Variants in OSBPL1A observed in about 807,000 individuals in gnomAD.
OSBPL1A encodes the protein oxysterol binding protein like 1A.
In OSBPL1A, 80 loss-of-function variants were observed where a neutral mutation model predicts 137.1. The ratio of observed to expected loss-of-function variants is 0.58; its 90% CI spans 0.49 to 0.70. OSBPL1A has a LOEUF of 0.70. OSBPL1A is among the 30% of genes least tolerant of loss of function. The pLI is 0.00. For synonymous variants in OSBPL1A, 365 were observed against 389.7 expected (o/e 0.94, Z 0.75); for missense variants, 970 against 1,129.4 (o/e 0.86, Z 2.02).
At chr18:24,302,322 G>T (rs2090419059) in intron 14 of OSBPL1A, 1 of 151,546 alleles carries the variant, frequency 6.6e-6, no homozygotes, top group African/African-American at 2.4e-5. Context: ...ATGCATCATG[G>T]CTAAAGTCTA....
chr18:24,167,685 AAG>A (rs1479430825), intron 24 of OSBPL1A, among the ~76,000 whole-genome samples: 1 of 152,226 alleles, frequency 6.6e-6, no homozygotes, highest in African/African-American at 2.4e-5. Flanking sequence ...CACATGAAAA[AAG>A]AGATATACAT....
Position 24,334,276 on chromosome 18 carries a change from C to T in OSBPL1A, c.449G>A (p.Arg150Lys). ...KLEELLLAAA[R>K]EGKTTELTAL... The stretch of plus-strand genomic sequence containing the variant: ...TGTGAGTTCTGTTGTTTTGCCTTCT[C>T]TTGCTGCTGCTAAAAGTAATTCTTC... The change falls in exon 6 of 28, where the codon AGA (arginine) becomes AAA (lysine). Residue 150 changes from arginine to lysine, a missense_variant. Coordinates refer to ENST00000319481, the MANE Select transcript of OSBPL1A (RefSeq NM_080597.4). 6.2e-7 allele frequency: 1 copy of T among 1,611,906 alleles called. No individual in the cohort carries two copies. The highest frequency in any genetic ancestry group is 8.5e-7 in the Non-Finnish European group (1 of 1,179,330).
At chr18:24,364,361 G>A (rs1490042845) in intron 4 of OSBPL1A, among the ~76,000 whole-genome samples, 3 of 152,138 alleles carry the variant, frequency 2.0e-5, no homozygotes, top group African/African-American at 7.2e-5. Context: ...ATAGATCCAG[G>A]GCAGAGCACA....
At chr18:24,312,474 G>T (rs2146113995) in intron 12 of OSBPL1A, among the ~76,000 whole-genome samples, 1 of 152,184 alleles carries the variant, frequency 6.6e-6, no homozygotes, top group Non-Finnish European at 1.5e-5. Flanking sequence ...TTACTATATA[G>T]TAATGGATCC....
Position 24,184,661 on chromosome 18 carries a change from T to C in OSBPL1A, c.1678-3382A>G, listed in dbSNP as rs1475919036. 3.3e-5 allele frequency among the ~76,000 whole-genome samples: 5 copies of C among 152,220 alleles called. No individual in the cohort carries two copies. The South Asian group carries it at 1.0e-3, about 32-fold the overall frequency. ...GTGGTAACCAGCTTATCTTGCTACA[T>C]GTATAGTAATACAATTCCTTGGGAA... On this transcript the variant is annotated intron_variant, in intron 18 of 27. Transcript: ENST00000319481.
intron 2 of OSBPL1A, among the ~76,000 whole-genome samples, chr18:24,375,986 C>T (rs1906092230): frequency 6.6e-6 from 1 of 152,148 alleles, no homozygotes; most frequent in South Asian, 2.1e-4. Flanking sequence ...TCCCTGGCTT[C>T]AGGAGTGAAG....
In OSBPL1A at chr18:24,179,821, A is replaced by G; in HGVS notation, c.1827T>C (p.Phe609=). 6.2e-7 allele frequency: 1 copy of G among 1,614,146 alleles called. No homozygotes were observed. Among genetic ancestry groups the G allele is most frequent in the Non-Finnish European group, 8.5e-7 (1 of 1,179,978 alleles). ...PVERMQCVAA[F]AVSAVASQWE... ...ACTGAGAAGCAACAGCAGATACAGC[A>G]AACGCAGCTACACACTGTGGGACAG... is the stretch of plus-strand genomic sequence containing the variant. The change falls in exon 20 of 28, where the codon TTT becomes TTC. Residue 609 remains phenylalanine (F), a synonymous_variant. Transcript: ENST00000319481.
intron 16 of OSBPL1A, among the ~76,000 whole-genome samples, chr18:24,231,112 T>C (rs761925871): frequency 2.0e-5 from 3 of 152,134 alleles, no homozygotes; most frequent in Non-Finnish European, 4.4e-5. Flanking sequence ...GAATAACACC[T>C]TGAAAAACAT....
At chr18:24,220,969 C>T (rs1158447744) in intron 17 of OSBPL1A, among the ~76,000 whole-genome samples, 3 of 151,932 alleles carry the variant, frequency 2.0e-5, no homozygotes, top group Non-Finnish European at 2.9e-5. Context: ...GTAGTAGAAA[C>T]GGGGTTTCGC....
intron 18 of OSBPL1A, among the ~76,000 whole-genome samples, chr18:24,183,468 T>G (rs973114080): frequency 6.6e-6 from 1 of 151,648 alleles, no homozygotes; most frequent in Non-Finnish European, 1.5e-5. Flanking sequence ...GTTTTGCTCT[T>G]GTCGCCCAGG....
intron 13 of OSBPL1A, among the ~76,000 whole-genome samples, chr18:24,309,943 A>G (rs536967145): frequency 6.7e-6 from 1 of 149,838 alleles, no homozygotes; most frequent in African/African-American, 2.5e-5. Context: ...GCTACTCAGG[A>G]GGCTGAGGCG....
chr18:24,164,420 GTTTTTTTTTTTTTTT>G (rs35343209), intron 27 of OSBPL1A, among the ~76,000 whole-genome samples: 1 of 95,970 alleles, frequency 1.0e-5, no homozygotes, highest in African/African-American at 4.7e-5. Flanking sequence ...GAGATTTTTG[GTTTTTTTTTTTTTTT>G]TTTTTTTTTT....
At chr18:24,327,917 A>G (rs2146135457) in intron 7 of OSBPL1A, among the ~76,000 whole-genome samples, 1 of 151,964 alleles carries the variant, frequency 6.6e-6, no homozygotes, top group Admixed American at 6.6e-5. Context: ...AACTATATTA[A>G]TTCTTATTTC....
intron 4 of OSBPL1A, chr18:24,358,454 G>A (rs1396659441): frequency 1.6e-5 from 11 of 702,292 alleles, no homozygotes; most frequent in Admixed American, 2.0e-5. Context: ...GTGATGCCAC[G>A]AGCACTCCAT....
chr18:24,392,979 C>A (rs77060147), intron 1 of OSBPL1A, among the ~76,000 whole-genome samples: 2,374 of 152,300 alleles, frequency 0.016, 24 homozygotes, highest in Non-Finnish European at 0.023. Flanking sequence ...CATGAGCCAC[C>A]TCGCCCAGCC....
intron 5 of OSBPL1A, among the ~76,000 whole-genome samples, chr18:24,340,332 C>T (rs922077692): frequency 6.6e-6 from 1 of 152,136 alleles, no homozygotes. Flanking sequence ...TGAAGCTCAA[C>T]CATCAAGAAA....
chr18:24,326,167 AT>A (rs1301474805), intron 7 of OSBPL1A, among the ~76,000 whole-genome samples: 2 of 152,222 alleles, frequency 1.3e-5, no homozygotes, highest in Non-Finnish European at 2.9e-5. Context: ...ATTATGTTAT[AT>A]CCACATGAAG....
At chr18:24,277,191 C>T (rs1248247387) in intron 15 of OSBPL1A, among the ~76,000 whole-genome samples, 1 of 152,014 alleles carries the variant, frequency 6.6e-6, no homozygotes, top group Non-Finnish European at 1.5e-5. Flanking sequence ...CCCCTGAGGG[C>T]ATCTCTGTAT....
intron 21 of OSBPL1A, among the ~76,000 whole-genome samples, chr18:24,174,072 T>C (rs1355561223): frequency 1.3e-5 from 2 of 152,260 alleles, no homozygotes; most frequent in African/African-American, 4.8e-5. Context: ...TATCAGTCTT[T>C]GTGCTGAGTA....
Sources: gnomAD v4.1 joint callset for allele counts (sites outside exome capture counted in the v4.1 genomes callset) on GRCh38, gnomAD v4.1.1 for gene constraint, MANE v1.5 for transcripts, NCBI Gene and HGNC (gene_info 2026-07-23, HGNC 2026-07-21) for gene names.